Variants in PRKG2 observed in about 807,000 individuals in gnomAD.
The protein encoded by PRKG2 is cGMP-dependent protein kinase 2.
Under a neutral mutation model 97.2 loss-of-function variants are expected in PRKG2, and 33 were observed. The ratio of observed to expected loss-of-function variants is 0.34; its 90% confidence interval spans 0.26 to 0.45. PRKG2 has a LOEUF of 0.45. Ranked by LOEUF, PRKG2 falls within the 20% of genes least tolerant of loss-of-function variation. The pLI, the probability that PRKG2 is intolerant of heterozygous loss-of-function variation, is 1.00. For missense variants in PRKG2, 638 were observed against 900.0 expected, an observed-to-expected ratio of 0.71 and a Z score of 3.73; for synonymous variants, 330 against 321.8, an observed-to-expected ratio of 1.03 and a Z score of -0.27.
intron 17 of PRKG2, among the ~76,000 whole-genome samples, chr4:81,102,790 T>C (rs1435825200): frequency 2.0e-5 from 3 of 152,216 alleles, no homozygotes; most frequent in African/African-American, 4.8e-5. Context: ...TTTTTGTTTT[T>C]GTTTTGAAGC....
intron 14 of PRKG2, 108 bp from the exon 15 acceptor site, chr4:81,110,719 T>C: frequency 9.5e-7 from 1 of 1,056,922 alleles, no homozygotes. Flanking sequence ...CCCTTCTTTT[T>C]ATACCATGCA....
intron 15 of PRKG2, among the ~76,000 whole-genome samples, chr4:81,107,567 C>T (rs182883530): frequency 5.1e-4 from 78 of 152,138 alleles, no homozygotes; most frequent in African/African-American, 1.9e-3. Context: ...GGCTGGAGTG[C>T]AGTGGTGCAA....
intron 14 of PRKG2, among the ~76,000 whole-genome samples, chr4:81,123,515 C>T (rs1263622376): frequency 6.6e-6 from 1 of 152,212 alleles, no homozygotes; most frequent in African/African-American, 2.4e-5. Context: ...CGCCATTCTC[C>T]TGCCTCAGCC....
chr4:81,162,942 T>G (rs1335318467), intron 6 of PRKG2, among the ~76,000 whole-genome samples: 1 of 152,206 alleles, frequency 6.6e-6, no homozygotes, highest in Non-Finnish European at 1.5e-5. Flanking sequence ...GCTGTTAGGC[T>G]GTTCTTCAGT....
intron 2 of PRKG2, among the ~76,000 whole-genome samples, chr4:81,191,999 C>T (rs551813308): frequency 6.6e-6 from 1 of 152,230 alleles, no homozygotes; most frequent in South Asian, 2.1e-4. Flanking sequence ...AATTCATATA[C>T]AAGACATGTA....
At chr4:81,165,186 T>C (rs1242403252) in intron 6 of PRKG2, among the ~76,000 whole-genome samples, 1 of 152,168 alleles carries the variant, frequency 6.6e-6, no homozygotes, top group East Asian at 1.9e-4. Context: ...CTATAAATGT[T>C]CTGAGTGATT....
chr4:81,144,764 C>A (rs1288445899), intron 9 of PRKG2, among the ~76,000 whole-genome samples: 2 of 121,220 alleles, frequency 1.6e-5, no homozygotes, highest in Non-Finnish European at 3.3e-5. Context: ...CCCCTCCCCC[C>A]ACCCCATGAC....
intron 2 of PRKG2, among the ~76,000 whole-genome samples, chr4:81,202,513 C>G (rs6857838): frequency 0.27 from 40,765 of 152,000 alleles, 6,952 homozygotes; most frequent in African/African-American, 0.48. Context: ...ATGGATGATA[C>G]AGTTTTTGTC....
intron 14 of PRKG2, among the ~76,000 whole-genome samples, chr4:81,111,129 C>A (rs544592958): frequency 1.3e-5 from 2 of 152,140 alleles, no homozygotes; most frequent in South Asian, 4.2e-4. Context: ...ATACTCTGGA[C>A]AGTCTTTAAA....
At chr4:81,172,979 T>A (rs1426106147) in intron 3 of PRKG2, among the ~76,000 whole-genome samples, 2 of 152,134 alleles carry the variant, frequency 1.3e-5, no homozygotes, top group Non-Finnish European at 2.9e-5. Flanking sequence ...AAATTTCTCA[T>A]TAGCTAAATT....
intron 6 of PRKG2, among the ~76,000 whole-genome samples, chr4:81,161,000 A>G (rs1332719874): frequency 6.6e-6 from 1 of 152,192 alleles, no homozygotes; most frequent in African/African-American, 2.4e-5. Flanking sequence ...AAAAAGGCAT[A>G]ACTAACCACA....
intron 17 of PRKG2, 22 bp downstream of exon 17, chr4:81,104,347 TG>T: frequency 6.7e-7 from 1 of 1,492,084 alleles, no homozygotes; most frequent in Non-Finnish European, 9.1e-7. Context: ...TATATTTTTC[TG>T]GGCAAAGAAA....
At chr4:81,205,915 G>T (rs1753621976) in intron 1 of PRKG2, among the ~76,000 whole-genome samples, 1 of 152,114 alleles carries the variant, frequency 6.6e-6, no homozygotes, top group Admixed American at 6.5e-5. Context: ...GGGGTTATAA[G>T]GGATGATTTA....
chr4:81,179,617 T>C (rs1283789874), intron 2 of PRKG2, among the ~76,000 whole-genome samples: 1 of 152,200 alleles, frequency 6.6e-6, no homozygotes, highest in Non-Finnish European at 1.5e-5. Flanking sequence ...AGAAAGCTTG[T>C]ATTTATTAAA....
chr4:81,140,686 A>G lies in PRKG2; in HGVS notation c.1408-17T>C. 1 of 1,586,706 alleles carries G rather than the reference A, an allele frequency of 6.3e-7. No homozygotes were observed. On this transcript the variant is annotated splice_polypyrimidine_tract_variant and intron_variant, in intron 11 of 18. Coordinates refer to ENST00000264399, the MANE Select transcript of PRKG2 (RefSeq NM_006259.3). ...TACTTTAACCTATGTAAGAAATGGAAAGATACCTCAAAATTAACTTATATC... is the reference window on the plus strand; with the variant it reads ...TACTTTAACCTATGTAAGAAATGGAGAGATACCTCAAAATTAACTTATATC...
intron 11 of PRKG2, among the ~76,000 whole-genome samples, chr4:81,141,082 C>T (rs1008897671): frequency 2.6e-5 from 4 of 152,052 alleles, no homozygotes; most frequent in African/African-American, 4.8e-5. Context: ...GCAATCAGGG[C>T]TCATTGCAGC....
At chr4:81,110,360 G>C in intron 15 of PRKG2, 88 bp downstream of exon 15, 1 of 1,342,342 alleles carries the variant, frequency 7.4e-7, no homozygotes, top group African/African-American at 1.5e-5. Flanking sequence ...AAAATGTTAC[G>C]CTCTTAAAGT....
intron 15 of PRKG2, among the ~76,000 whole-genome samples, chr4:81,110,067 T>C (rs924867900): frequency 6.6e-6 from 1 of 152,214 alleles, no homozygotes; most frequent in Admixed American, 6.5e-5. Flanking sequence ...TGGATTTAAC[T>C]GAACTCAGAT....
intron 4 of PRKG2, among the ~76,000 whole-genome samples, chr4:81,171,169 C>G (rs1750440744): frequency 6.6e-6 from 1 of 151,684 alleles, no homozygotes; most frequent in South Asian, 2.1e-4. Flanking sequence ...CCCTCCCCCA[C>G]CCCTCCCCAT....
Sources: gnomAD v4.1 joint callset for allele counts (sites outside exome capture counted in the v4.1 genomes callset) on GRCh38, gnomAD v4.1.1 for gene constraint, MANE v1.5 for transcripts, NCBI Gene and HGNC (gene_info 2026-07-23, HGNC 2026-07-21) for gene names.